Variants in FBXL13 observed in about 807,000 individuals in gnomAD.
FBXL13 encodes the protein F-box and leucine rich repeat protein 13, also known as F-box and leucine-rich repeat protein 13.
In FBXL13, 67 loss-of-function variants were observed where a neutral mutation model predicts 83.6. That is an observed-to-expected ratio of 0.80 (90% confidence interval 0.66 to 0.98). FBXL13 has a LOEUF of 0.98. Among genes scored for constraint, FBXL13 ranks in the 50% least tolerant of loss-of-function variants. FBXL13 has a pLI of 0.00. For missense variants in FBXL13, 822 were observed against 866.5 expected (o/e 0.95, Z 0.64); for synonymous variants, 272 against 299.5 (o/e 0.91, Z 0.95).
exon 13 of FBXL13, chr7:102,883,684 G>A: frequency 6.4e-7 from 1 of 1,572,036 alleles, no homozygotes; most frequent in Non-Finnish European, 8.7e-7. Flanking sequence ...TTCAACTAAA[G>A]CCTTTAGAAG....
intron 1 of FBXL13, among the ~76,000 whole-genome samples, chr7:103,067,936 A>G (rs1798553190): frequency 6.6e-6 from 1 of 152,256 alleles, no homozygotes; most frequent in Non-Finnish European, 1.5e-5. Context: ...AAGATAATTG[A>G]ATGAAATGGT....
chr7:102,973,341 C>G, intron 6 of FBXL13: 1 of 622,754 alleles, frequency 1.6e-6, no homozygotes, highest in South Asian at 1.6e-5. Flanking sequence ...AGGAAGAGAG[C>G]CGGCCAGAAG....
intron 6 of FBXL13, among the ~76,000 whole-genome samples, chr7:103,020,535 G>C (rs535232834): frequency 1.3e-5 from 2 of 152,310 alleles, no homozygotes; most frequent in East Asian, 3.9e-4. Flanking sequence ...AAGTCAAATT[G>C]TCCCTGTTTG....
At chr7:102,848,504 C>T (rs1276065890) in intron 17 of FBXL13, among the ~76,000 whole-genome samples, 7 of 39,848 alleles carry the variant, frequency 1.8e-4, no homozygotes, top group African/African-American at 1.5e-3. Context: ...TGCAGTGAGC[C>T]GAGATTGCGC....
intron 10 of FBXL13, among the ~76,000 whole-genome samples, chr7:102,924,949 T>C (rs570182312): frequency 6.6e-6 from 1 of 152,170 alleles, no homozygotes; most frequent in Non-Finnish European, 1.5e-5. Context: ...TTTCTAAATG[T>C]CTCATCACCG....
At chr7:103,055,004 C>T in intron 2 of FBXL13, 84 bp downstream of exon 3, 1 of 831,090 alleles carries the variant, frequency 1.2e-6, no homozygotes, top group South Asian at 1.6e-5. Flanking sequence ...TGACCTCACA[C>T]CTCCCATAAA....
At chr7:102,983,920 C>T (rs1828607314) in intron 6 of FBXL13, among the ~76,000 whole-genome samples, 1 of 152,178 alleles carries the variant, frequency 6.6e-6, no homozygotes, top group South Asian at 2.1e-4. Flanking sequence ...TTATGCAGTA[C>T]TTGAGCTGGA....
At chr7:102,917,077 T>G (rs1298783000) in intron 10 of FBXL13, among the ~76,000 whole-genome samples, 1 of 152,138 alleles carries the variant, frequency 6.6e-6, no homozygotes, top group Non-Finnish European at 1.5e-5. Context: ...TGCATGTGGA[T>G]TCTTTTGAGT....
intron 16 of FBXL13, chr7:102,874,508 A>G (rs1584733104): frequency 3.4e-6 from 1 of 295,282 alleles, no homozygotes. Context: ...TATGCTTCAG[A>G]AGAAAATAAA....
At chr7:102,959,135 G>A (rs1178707978) in intron 8 of FBXL13, among the ~76,000 whole-genome samples, 2 of 152,024 alleles carry the variant, frequency 1.3e-5, no homozygotes, top group Non-Finnish European at 2.9e-5. Flanking sequence ...AGAATCAATT[G>A]ACAAGCTATT....
At chr7:102,999,342 T>C (rs1439744090) in intron 6 of FBXL13, among the ~76,000 whole-genome samples, 1 of 152,222 alleles carries the variant, frequency 6.6e-6, no homozygotes, top group Non-Finnish European at 1.5e-5. Flanking sequence ...TCGAAGATTT[T>C]TGCATCTATA....
At chr7:103,060,729 AATATT>A (rs1797821166) in intron 1 of FBXL13, among the ~76,000 whole-genome samples, 1 of 152,252 alleles carries the variant, frequency 6.6e-6, no homozygotes, top group South Asian at 2.1e-4. Context: ...CTGAAATAGT[AATATT>A]ATAATATAAA....
chr7:102,914,264 G>C (rs1411312453), intron 10 of FBXL13, among the ~76,000 whole-genome samples: 5 of 152,164 alleles, frequency 3.3e-5, no homozygotes, highest in Non-Finnish European at 1.5e-5. Flanking sequence ...GTAGAGACAG[G>C]GTTTCACCAT....
At chr7:102,875,794 G>A (rs1270291917) in intron 16 of FBXL13, among the ~76,000 whole-genome samples, 1 of 152,164 alleles carries the variant, frequency 6.6e-6, no homozygotes, top group African/African-American at 2.4e-5. Context: ...AGGACAATGG[G>A]AAGATATGAT....
rs533427466 is a variant in FBXL13 at position 102,855,174 on chromosome 7, A to G, written c.1636-314T>C. Reference sequence around the variant, plus strand: ...ATAAATGTTATCTGAATCAATATAAACAAATCCAACTTACTAATTTATTTT... The same window carrying G: ...ATAAATGTTATCTGAATCAATATAAGCAAATCCAACTTACTAATTTATTTT... On this transcript the variant is annotated intron_variant, in intron 16 of 19. Transcript: ENST00000313221. Among the ~76,000 whole-genome samples, 14 of 152,326 alleles carry G rather than the reference A, an allele frequency of 9.2e-5. No homozygotes were observed. In the East Asian group the frequency reaches 2.7e-3, roughly 29 times the overall value.
Position 102,987,351 on chromosome 7 carries a change from A to G in FBXL13, c.496-19234T>C, listed in dbSNP as rs183688864. 1.2e-3 allele frequency among the ~76,000 whole-genome samples: 176 copies of G among 152,136 alleles called. 1 individual carries two copies. The highest frequency in any genetic ancestry group is 3.7e-4 in the Non-Finnish European group (25 of 68,002). On this transcript the variant is annotated intron_variant, in intron 6 of 19. Coordinates refer to ENST00000313221, the Ensembl canonical transcript of FBXL13. The stretch of plus-strand genomic sequence containing the variant: ...ACATATATTAGGGAGTATAATTCAC[A>G]CTCTCTATGAAGTAAAAAGGGCTTA...
intron 9 of FBXL13, among the ~76,000 whole-genome samples, chr7:102,929,103 CTG>C (rs1276891830): frequency 6.6e-6 from 1 of 152,212 alleles, no homozygotes; most frequent in South Asian, 2.1e-4. Context: ...AATGCTGACT[CTG>C]TGTGTTGAGG....
intron 16 of FBXL13, among the ~76,000 whole-genome samples, 169 bp downstream of exon 17, chr7:102,877,298 T>C (rs1325771686): frequency 1.3e-5 from 2 of 152,204 alleles, no homozygotes; most frequent in Non-Finnish European, 2.9e-5. Context: ...TGACTGTTGA[T>C]TCAAAGAAAC....
rs1563286678 is a variant in FBXL13, at chr7:103,060,061, T to TATACACATATATATATATACAC, written c.-104-4315_-104-4314insGTGTATATATATATATGTGTAT. 1.5e-3 allele frequency among the ~76,000 whole-genome samples: 182 copies of TATACACATATATATATATACAC among 119,124 alleles called. 5 individuals are homozygous for TATACACATATATATATATACAC. Among genetic ancestry groups the TATACACATATATATATATACAC allele is most frequent in the African/African-American group, 5.7e-3 (180 of 31,852 alleles). 78.1% of individuals were successfully genotyped at this position (119,124 alleles called of 152,430 possible). On this transcript the variant is annotated intron_variant, in intron 1 of 19. Coordinates refer to ENST00000313221, the Ensembl canonical transcript of FBXL13. ...ATATATATATATATATATATATATA[T>TATACACATATATATATATACAC]ATACTTTTTTTTTTTTTTGAGACAA... is the stretch of plus-strand genomic sequence containing the variant.
Sources: allele counts gnomAD v4.1 joint callset (sites outside exome capture counted in the v4.1 genomes callset), GRCh38; gene constraint gnomAD v4.1.1; transcripts MANE v1.5; gene names NCBI Gene and HGNC (gene_info 2026-07-23, HGNC 2026-07-21).